CAAP1: variants seen among roughly 807,000 people sequenced by gnomAD.
The protein encoded by CAAP1 is caspase activity and apoptosis inhibitor 1.
CAAP1 carries 20 observed loss-of-function variants against 34.0 expected under a neutral mutation model. The observed-to-expected ratio is 0.59, with a 90% CI of 0.41 to 0.86. The LOEUF (loss-of-function observed/expected upper bound fraction) is 0.86. Among genes scored for constraint, CAAP1 ranks in the 40% least tolerant of loss-of-function variants. The pLI is 0.00. For synonymous variants in CAAP1, 213 were observed against 166.7 expected, an observed-to-expected ratio of 1.28 and a Z score of -2.14; for missense variants, 538 against 450.5, an observed-to-expected ratio of 1.19 and a Z score of -1.76.
intron 4 of CAAP1, among the ~76,000 whole-genome samples, chr9:26,873,890 C>T (rs1823348657): frequency 6.6e-6 from 1 of 151,992 alleles, no homozygotes; most frequent in African/African-American, 2.4e-5. Flanking sequence ...CATTCCTCGC[C>T]TTTTTTCACT....
chr9:26,857,865 A>G (rs759366853), intron 5 of CAAP1, among the ~76,000 whole-genome samples: 43 of 149,472 alleles, frequency 2.9e-4, no homozygotes, highest in Non-Finnish European at 5.2e-4. Context: ...GATGAATGAA[A>G]CCAGTACTAG....
At chr9:26,843,022 C>T (rs955353944) in intron 5 of CAAP1, among the ~76,000 whole-genome samples, 4 of 152,136 alleles carry the variant, frequency 2.6e-5, no homozygotes, top group Admixed American at 6.6e-5. Context: ...GTATGGCTTA[C>T]TATTCAAGCA....
At chr9:26,882,085 T>C (rs1464687021) in intron 4 of CAAP1, among the ~76,000 whole-genome samples, 1 of 152,206 alleles carries the variant, frequency 6.6e-6, no homozygotes, top group African/African-American at 2.4e-5. Context: ...GGTATGTGGG[T>C]ATTATTAAAA....
chr9:26,847,095 A>T (rs188945138), intron 5 of CAAP1, among the ~76,000 whole-genome samples: 2 of 149,664 alleles, frequency 1.3e-5, no homozygotes, highest in Admixed American at 1.3e-4. Context: ...TACTTTTTTG[A>T]CTTAAAAATA....
At chr9:26,864,121 A>C (rs138204926) in intron 4 of CAAP1, among the ~76,000 whole-genome samples, 196 of 152,248 alleles carry the variant, frequency 1.3e-3, no homozygotes, top group African/African-American at 4.5e-3. Flanking sequence ...AAAGCAGCTT[A>C]ATTTACAAGC....
At chr9:26,872,621 A>G (rs1236549304) in intron 4 of CAAP1, among the ~76,000 whole-genome samples, 1 of 150,598 alleles carries the variant, frequency 6.6e-6, no homozygotes, top group East Asian at 1.9e-4. Flanking sequence ...CAGTGGCACA[A>G]TCAAAGCTCA....
At chr9:26,872,706 G>T (rs1054068863) in intron 4 of CAAP1, among the ~76,000 whole-genome samples, 1 of 151,594 alleles carries the variant, frequency 6.6e-6, no homozygotes, top group Admixed American at 6.6e-5. Context: ...ACAGGCATAA[G>T]CCACCATCCC....
At chr9:26,860,911 A>G (rs1389869735) in intron 5 of CAAP1, among the ~76,000 whole-genome samples, 155 bp downstream of exon 5, 1 of 152,214 alleles carries the variant, frequency 6.6e-6, no homozygotes, top group African/African-American at 2.4e-5. Context: ...TTCAGTAGCT[A>G]AAAGAATCAT....
chr9:26,873,783 GTTT>G (rs934378105), intron 4 of CAAP1, among the ~76,000 whole-genome samples: 19 of 152,116 alleles, frequency 1.2e-4, no homozygotes, highest in African/African-American at 3.9e-4. Flanking sequence ...ATTCCTAATA[GTTT>G]TAAAACACTA....
intron 4 of CAAP1, among the ~76,000 whole-genome samples, chr9:26,863,986 C>T (rs1823067772): frequency 6.6e-6 from 1 of 151,896 alleles, no homozygotes. Context: ...GGTATTTTGC[C>T]CTGTTGCCCA....
chr9:26,843,556 A>C (rs150921014), intron 5 of CAAP1, among the ~76,000 whole-genome samples: 42 of 151,856 alleles, frequency 2.8e-4, no homozygotes, highest in African/African-American at 9.4e-4. Context: ...TTACATATGT[A>C]TACATGTGCC....
chr9:26,843,917 CATTTT>C (rs1822537385), intron 5 of CAAP1, among the ~76,000 whole-genome samples: 1 of 152,084 alleles, frequency 6.6e-6, no homozygotes, highest in Admixed American at 6.5e-5. Context: ...ATAAGATTAT[CATTTT>C]ATTTGATGGC....
chr9:26,860,718 G>A (rs945331221), intron 5 of CAAP1, among the ~76,000 whole-genome samples: 6 of 152,140 alleles, frequency 3.9e-5, no homozygotes, highest in African/African-American at 7.2e-5. Flanking sequence ...CGTGAACCGG[G>A]AGGCTGAGCT....
chr9:26,842,334 T>G lies in CAAP1; in HGVS notation c.1053A>C (p.Leu351=), dbSNP rs1323768738. The G allele has an allele frequency of 2.5e-6, 4 of 1,596,152 alleles. No homozygotes were observed. The highest frequency in any genetic ancestry group is 2.6e-6 in the Non-Finnish European group (3 of 1,173,270). ...GCTTTTTTATATCACCAGCTTTCAT[T>G]AGGGCTTTAATCGCTCTTGCCCTCA... ...LEMRARAIKA[L]MKAGDIKKPA The change falls in exon 6 of 6, where the codon CTA becomes CTC. Residue 351 remains leucine, a synonymous_variant. Transcript: ENST00000333916.
At chr9:26,849,398 G>A (rs1295339537) in intron 5 of CAAP1, among the ~76,000 whole-genome samples, 1 of 152,172 alleles carries the variant, frequency 6.6e-6, no homozygotes, top group African/African-American at 2.4e-5. Flanking sequence ...CACAGTTAAT[G>A]TAAGGAATAT....
At chr9:26,886,772 T>C (rs1362118594) in intron 2 of CAAP1, among the ~76,000 whole-genome samples, 1 of 152,208 alleles carries the variant, frequency 6.6e-6, no homozygotes, top group African/African-American at 2.4e-5. Flanking sequence ...TTAACAGAAT[T>C]ATCTCCACAG....
intron 5 of CAAP1, among the ~76,000 whole-genome samples, chr9:26,858,571 C>T (rs1180054648): frequency 6.6e-6 from 1 of 152,018 alleles, no homozygotes; most frequent in East Asian, 1.9e-4. Flanking sequence ...GCCTGTAATC[C>T]CAGCACTTTG....
Position 26,879,110 on chromosome 9 carries a change from G to T in CAAP1, c.665+5700C>A, listed in dbSNP as rs181373174. Among the ~76,000 whole-genome samples the T allele has an allele frequency of 9.2e-5, 14 of 152,236 alleles. No homozygotes were observed. The East Asian group carries it at 2.7e-3, about 29-fold the overall frequency. ...TTGTATACATGGAAGTTTTCCACAGGTATCTTTCCATGACATTACTTGAAA... is the reference window on the plus strand; with the variant it reads ...TTGTATACATGGAAGTTTTCCACAGTTATCTTTCCATGACATTACTTGAAA... On this transcript the variant is annotated intron_variant, in intron 4 of 5. Coordinates refer to ENST00000333916, the MANE Select transcript of CAAP1 (RefSeq NM_024828.4).
chr9:26,842,483 C>T lies in CAAP1; in HGVS notation c.904G>A (p.Val302Met), dbSNP rs1822504608. ...DDLEKDIEKS[V>M]NEILGLAESS... is the part of the protein sequence containing the mutation. Reference sequence around the variant, plus strand: ...TCTGCCAGTCCTAGAATCTCATTCACACTTTTCTCAATGTCTTTCTCCAGG... The same window carrying T: ...TCTGCCAGTCCTAGAATCTCATTCATACTTTTCTCAATGTCTTTCTCCAGG... The change falls in exon 6 of 6, where the codon GTG becomes ATG. Residue 302 changes from valine to methionine, a missense_variant. Coordinates refer to ENST00000333916, the MANE Select transcript of CAAP1 (RefSeq NM_024828.4). The T allele has an allele frequency of 6.2e-7, 1 of 1,614,058 alleles. No individual in the cohort carries two copies. Among genetic ancestry groups the T allele is most frequent in the African/African-American group, 1.3e-5 (1 of 74,910 alleles).
Sources: allele counts gnomAD v4.1 joint callset (sites outside exome capture counted in the v4.1 genomes callset), GRCh38; gene constraint gnomAD v4.1.1; transcripts MANE v1.5; gene names NCBI Gene and HGNC (gene_info 2026-07-23, HGNC 2026-07-21).